ZNF609: variants seen among roughly 807,000 people sequenced by gnomAD.
The protein encoded by ZNF609 is zinc finger protein 609.
ZNF609 carries 11 observed loss-of-function variants against 109.5 expected under a neutral mutation model. That is an observed-to-expected ratio of 0.10 (90% CI 0.06 to 0.17). The LOEUF (loss-of-function observed/expected upper bound fraction) is 0.17. Among genes scored for constraint, ZNF609 ranks in the 10% least tolerant of loss-of-function variants. The pLI, the probability that ZNF609 is intolerant of heterozygous loss-of-function variation, is 1.00. For missense variants in ZNF609, 1,559 were observed against 1,772.4 expected (o/e 0.88, Z 2.16); for synonymous variants, 646 against 662.0 (o/e 0.98, Z 0.37).
At chr15:64,609,161 T>C (rs1017041805) in intron 2 of ZNF609, among the ~76,000 whole-genome samples, 2 of 147,898 alleles carry the variant, frequency 1.4e-5, no homozygotes, top group Non-Finnish European at 3.0e-5. Context: ...CTCTCTCTCT[T>C]TCTTTCTTTC....
intron 1 of ZNF609, among the ~76,000 whole-genome samples, chr15:64,475,792 G>A (rs1389574189): frequency 6.6e-6 from 1 of 152,116 alleles, no homozygotes; most frequent in Admixed American, 6.6e-5. Context: ...TAAACTCTTA[G>A]CCCAGTGCTT....
intron 3 of ZNF609, among the ~76,000 whole-genome samples, chr15:64,642,735 A>G (rs1416470778): frequency 6.6e-6 from 1 of 152,224 alleles, no homozygotes; most frequent in East Asian, 1.9e-4. Flanking sequence ...TCGAGGCTGC[A>G]GTGAGCCCTG....
intron 2 of ZNF609, among the ~76,000 whole-genome samples, chr15:64,581,140 T>A (rs1296780713): frequency 6.6e-6 from 1 of 151,952 alleles, no homozygotes. Flanking sequence ...GTCTTCCTGC[T>A]TCCTCCTCCT....
intron 2 of ZNF609, among the ~76,000 whole-genome samples, chr15:64,515,703 G>A (rs1409901608): frequency 3.3e-5 from 5 of 152,056 alleles, no homozygotes; most frequent in East Asian, 1.9e-4. Context: ...TTGGGAGGCC[G>A]AGGCAGGCGA....
In ZNF609 at chr15:64,680,251, C is replaced by G; in HGVS notation, c.3836C>G (p.Ala1279Gly). The change falls in exon 7 of 10, where the codon GCT becomes GGT. Residue 1279 changes from alanine to glycine, a missense_variant. Physicochemically the swap from Ala to Gly is moderately conservative, Grantham distance 60 (BLOSUM62 0). Around this residue, in one of 4 missense-constraint regions of ZNF609, gnomAD observed 1,204 missense variants for 1,314.1 expected, o/e 0.92. Transcript: ENST00000326648. The stretch of plus-strand genomic sequence containing the variant: ...AGCAAGGTCTCAGGTGGTGAAGATG[C>G]TGACAAGGCACGAGCCAGCCCCAGT... ...YGSKVSGGEDADKARASPSVT... is the reference protein window; with the variant it reads ...YGSKVSGGEDGDKARASPSVT... 6.2e-7 allele frequency: 1 copy of G among 1,614,192 alleles called. No homozygotes were observed. Among genetic ancestry groups the G allele is most frequent in the Non-Finnish European group, 8.5e-7 (1 of 1,180,040 alleles).
At chr15:64,479,662 T>C (rs1477841885) in intron 1 of ZNF609, among the ~76,000 whole-genome samples, 1 of 151,714 alleles carries the variant, frequency 6.6e-6, no homozygotes, top group African/African-American at 2.4e-5. Flanking sequence ...TTCACGCCTG[T>C]AATCCCAGCG....
At chr15:64,561,765 A>G (rs1894685341) in intron 2 of ZNF609, among the ~76,000 whole-genome samples, 1 of 152,074 alleles carries the variant, frequency 6.6e-6, no homozygotes, top group African/African-American at 2.4e-5. Flanking sequence ...TGTGCATACC[A>G]AGACAGTATG....
chr15:64,469,875 C>G lies in ZNF609; in HGVS notation c.-128+9037C>G, dbSNP rs544725977. On this transcript the variant is annotated intron_variant, in intron 1 of 9. Coordinates refer to ENST00000326648, the MANE Select transcript of ZNF609 (RefSeq NM_015042.2). ...TTAGCTTGTGAGAAGGAAGTTGTAC[C>G]TGGAAGGATTTGCCATCTATCAATA... Among the ~76,000 whole-genome samples, 12 of 152,230 alleles carry G rather than the reference C, an allele frequency of 7.9e-5. No homozygotes were observed. The South Asian group carries it at 2.5e-3, about 32-fold the overall frequency.
At chr15:64,481,319 CTTTTTTTT>C (rs889184379) in intron 1 of ZNF609, among the ~76,000 whole-genome samples, 6 of 127,272 alleles carry the variant, frequency 4.7e-5, no homozygotes, top group African/African-American at 1.8e-4. Context: ...TTTCTTTTTT[CTTTTTTTT>C]TTTTTTTTTT....
At chr15:64,623,114 G>A (rs1396206106) in intron 3 of ZNF609, 62 bp downstream of exon 3, 34 of 1,518,740 alleles carry the variant, frequency 2.2e-5, no homozygotes, top group Non-Finnish European at 2.6e-5. Flanking sequence ...GAGCCACCAG[G>A]GACTTATTGT....
chr15:64,511,614 A>T (rs139170864), intron 2 of ZNF609, among the ~76,000 whole-genome samples: 38 of 152,062 alleles, frequency 2.5e-4, no homozygotes, highest in African/African-American at 8.2e-4. Context: ...CTTGGTCGTG[A>T]GACAGCTTAG....
intron 2 of ZNF609, among the ~76,000 whole-genome samples, chr15:64,570,236 G>C (rs1178246490): frequency 6.6e-6 from 1 of 152,164 alleles, no homozygotes; most frequent in Non-Finnish European, 1.5e-5. Context: ...GGCCTGGTTG[G>C]TGGTTTGTGG....
intron 2 of ZNF609, among the ~76,000 whole-genome samples, chr15:64,533,006 G>C (rs1894084220): frequency 6.6e-6 from 1 of 151,796 alleles, no homozygotes; most frequent in Non-Finnish European, 1.5e-5. Context: ...TAGTTTTTTT[G>C]GGTCGGGGGT....
intron 2 of ZNF609, among the ~76,000 whole-genome samples, chr15:64,525,904 T>G (rs909892877): frequency 6.6e-6 from 1 of 151,946 alleles, no homozygotes; most frequent in African/African-American, 2.4e-5. Context: ...TTCTCCTGTT[T>G]CAGCCTCCCA....
At chr15:64,550,563 A>G (rs1264484929) in intron 2 of ZNF609, among the ~76,000 whole-genome samples, 1 of 151,782 alleles carries the variant, frequency 6.6e-6, no homozygotes, top group African/African-American at 2.4e-5. Context: ...AGAGGAATAG[A>G]TGACCAGGCA....
At chr15:64,498,921 A>G (rs556795238) in intron 1 of ZNF609, among the ~76,000 whole-genome samples, 114 of 152,246 alleles carry the variant, frequency 7.5e-4, no homozygotes, top group African/African-American at 2.6e-3. Context: ...GTATAAGTAA[A>G]GTTGTGCTAG....
At chr15:64,484,305 A>T (rs1457538467) in intron 1 of ZNF609, among the ~76,000 whole-genome samples, 4 of 152,212 alleles carry the variant, frequency 2.6e-5, no homozygotes, top group African/African-American at 9.6e-5. Context: ...TAAGAATTGC[A>T]TTTAAAAAGA....
intron 1 of ZNF609, among the ~76,000 whole-genome samples, chr15:64,491,156 G>C (rs766805643): frequency 6.6e-6 from 1 of 152,186 alleles, no homozygotes; most frequent in Non-Finnish European, 1.5e-5. Flanking sequence ...TAAGGGAGAG[G>C]CCCAAAGGGA....
intron 2 of ZNF609, among the ~76,000 whole-genome samples, chr15:64,556,380 G>A (rs549743722): frequency 1.3e-5 from 2 of 150,058 alleles, no homozygotes; most frequent in African/African-American, 5.1e-5. Flanking sequence ...TGATCTTCCC[G>A]CCTCAGCTTC....
Sources: gnomAD v4.1 joint callset for allele counts (sites outside exome capture counted in the v4.1 genomes callset) on GRCh38, gnomAD v4.1.1 for gene constraint, gnomAD v4.1.1 regional missense constraint, MANE v1.5 for transcripts, NCBI Gene and HGNC (gene_info 2026-07-23, HGNC 2026-07-21) for gene names.